The following ETV6 variants were observed in gnomAD, a reference collection of about 807,000 sequenced individuals.
The protein encoded by ETV6 is ETS variant transcription factor 6.
A neutral mutation model predicts 51.1 loss-of-function variants in ETV6; 16 were observed. The ratio of observed to expected loss-of-function variants is 0.31; its 90% CI spans 0.21 to 0.48. The LOEUF (loss-of-function observed/expected upper bound fraction) is 0.48. Among genes scored for constraint, ETV6 ranks in the 20% least tolerant of loss-of-function variants. ETV6 has a pLI of 0.99. For missense variants in ETV6, 458 were observed against 594.8 expected, an observed-to-expected ratio of 0.77 and a Z score of 2.39; for synonymous variants, 240 against 224.1, an observed-to-expected ratio of 1.07 and a Z score of -0.64.
intron 2 of ETV6, among the ~76,000 whole-genome samples, chr12:11,787,887 A>G (rs753480143): frequency 2.0e-5 from 3 of 152,212 alleles, no homozygotes; most frequent in Non-Finnish European, 4.4e-5. Flanking sequence ...CAAGGAAGAA[A>G]AGGAAAGAGG....
chr12:11,690,288 A>G (rs1864728940), intron 1 of ETV6, among the ~76,000 whole-genome samples: 2 of 151,876 alleles, frequency 1.3e-5, no homozygotes, highest in African/African-American at 4.8e-5. Context: ...ACGTCCTTAC[A>G]AGACACCTGT....
intron 2 of ETV6, among the ~76,000 whole-genome samples, chr12:11,813,067 G>T (rs900555654): frequency 2.6e-5 from 4 of 152,252 alleles, no homozygotes; most frequent in African/African-American, 9.6e-5. Flanking sequence ...ATGCTGTGCT[G>T]TGTGGCTACT....
rs1318118957 is a variant in ETV6 at position 11,892,535 on chromosome 12, A to T, written c.*1489A>T. On this transcript the variant is annotated 3_prime_UTR_variant, in exon 8 of 8. Transcript: ENST00000396373. ...TTTTTTTTCCTTTTCTAGCCATCTA[A>T]ATTGACTCTTCCAATATAGGTCTCA... 17 of 232,582 alleles carry T rather than the reference A, an allele frequency of 7.3e-5. 1 individual carries two copies. The highest frequency in any genetic ancestry group is 1.4e-4 in the Non-Finnish European group (16 of 117,928). The allele number at this position is 232,582 out of a possible 1,614,324, so 14.4% of individuals were successfully genotyped here.
At chr12:11,808,001 A>C (rs946965229) in intron 2 of ETV6, among the ~76,000 whole-genome samples, 2 of 152,214 alleles carry the variant, frequency 1.3e-5, no homozygotes, top group African/African-American at 4.8e-5. Flanking sequence ...AATGATCATC[A>C]GCAATACATC....
intron 2 of ETV6, among the ~76,000 whole-genome samples, chr12:11,821,660 A>T (rs1163529837): frequency 1.3e-5 from 2 of 151,734 alleles, no homozygotes; most frequent in African/African-American, 4.9e-5. Context: ...ACATAGCAAG[A>T]CCCCATCTCT....
chr12:11,694,278 C>T (rs1864829240), intron 1 of ETV6, among the ~76,000 whole-genome samples: 1 of 152,136 alleles, frequency 6.6e-6, no homozygotes, highest in Admixed American at 6.5e-5. Context: ...ATTATTTAAC[C>T]CCTGAGGCTC....
At chr12:11,882,659 T>C (rs1300648761) in intron 5 of ETV6, among the ~76,000 whole-genome samples, 1 of 152,232 alleles carries the variant, frequency 6.6e-6, no homozygotes, top group Non-Finnish European at 1.5e-5. Context: ...CCATTATCAC[T>C]AATATAATAA....
At chr12:11,889,476 A>G (rs1447709985) in intron 7 of ETV6, among the ~76,000 whole-genome samples, 1 of 152,204 alleles carries the variant, frequency 6.6e-6, no homozygotes, top group Non-Finnish European at 1.5e-5. Context: ...GATACTCTTT[A>G]CAAGATGTTT....
chr12:11,792,686 C>CAAA (rs5796468), intron 2 of ETV6, among the ~76,000 whole-genome samples: 4 of 145,442 alleles, frequency 2.8e-5, no homozygotes, highest in Admixed American at 6.9e-5. Flanking sequence ...GATTCCATCT[C>CAAA]AAAAAAAAAA....
intron 1 of ETV6, among the ~76,000 whole-genome samples, chr12:11,662,987 T>C (rs1864128047): frequency 6.6e-6 from 1 of 152,198 alleles, no homozygotes; most frequent in African/African-American, 2.4e-5. Flanking sequence ...GGCTGGGTGG[T>C]TCTTGGGCAG....
intron 1 of ETV6, among the ~76,000 whole-genome samples, chr12:11,666,791 AC>A (rs1274434056): frequency 2.0e-5 from 3 of 152,106 alleles, no homozygotes; most frequent in Non-Finnish European, 4.4e-5. Flanking sequence ...AGTTTTCCTG[AC>A]CGCCTGCTGG....
chr12:11,874,927 A>G (rs1268737679), intron 5 of ETV6, among the ~76,000 whole-genome samples: 1 of 149,620 alleles, frequency 6.7e-6, no homozygotes, highest in African/African-American at 2.4e-5. Flanking sequence ...GGATAGCATT[A>G]GGAGATATAC....
intron 4 of ETV6, among the ~76,000 whole-genome samples, chr12:11,864,362 T>C (rs1396054079): frequency 6.6e-6 from 1 of 152,210 alleles, no homozygotes; most frequent in East Asian, 1.9e-4. Context: ...GGGAAATGGA[T>C]TCAGGAAATG....
At position 11,707,958 on chromosome 12, in the gene ETV6, A is replaced by G. The variant is rs143594406; in HGVS notation, c.34-44492A>G. ...GTAAAGTGACCTTTTAGCAGGATCAATTTATAAGCCGTTTGAAGTCTATCT... is the reference window on the plus strand; with the variant it reads ...GTAAAGTGACCTTTTAGCAGGATCAGTTTATAAGCCGTTTGAAGTCTATCT... On this transcript the variant is annotated intron_variant, in intron 1 of 7. Transcript: ENST00000396373. Among the ~76,000 whole-genome samples the G allele has an allele frequency of 4.4e-3, 669 of 152,346 alleles. 2 individuals carry two copies. The highest frequency in any genetic ancestry group is 7.1e-3 in the Non-Finnish European group (486 of 68,040).
intron 7 of ETV6, among the ~76,000 whole-genome samples, chr12:11,888,161 A>G (rs528898888): frequency 1.3e-5 from 2 of 152,332 alleles, no homozygotes; most frequent in African/African-American, 4.8e-5. Flanking sequence ...TCCTGAAACC[A>G]TAATACAAAC....
chr12:11,656,434 A>G lies in ETV6; in HGVS notation c.33+6274A>G, dbSNP rs987668097. Among the ~76,000 whole-genome samples the G allele has an allele frequency of 4.6e-5, 7 of 152,360 alleles. No individual in the cohort carries two copies. The East Asian group carries it at 1.2e-3, about 25-fold the overall frequency. On this transcript the variant is annotated intron_variant, in intron 1 of 7. Coordinates refer to ENST00000396373, the MANE Select transcript of ETV6 (RefSeq NM_001987.5). The stretch of plus-strand genomic sequence containing the variant: ...GATGAGAGGCAGGAATAGAGCTGGC[A>G]GAAGTGCTTGCAGAGGTTCTGAATT...
At chr12:11,836,297 G>A (rs566281629) in intron 2 of ETV6, among the ~76,000 whole-genome samples, 4 of 152,032 alleles carry the variant, frequency 2.6e-5, no homozygotes, top group African/African-American at 7.3e-5. Context: ...CTCGGTGAAC[G>A]TGTCCACCTA....
chr12:11,719,895 A>G (rs982225933), intron 1 of ETV6, among the ~76,000 whole-genome samples: 1 of 152,184 alleles, frequency 6.6e-6, no homozygotes, highest in African/African-American at 2.4e-5. Context: ...GGTGACGCCA[A>G]GGGCACAGGC....
intron 1 of ETV6, among the ~76,000 whole-genome samples, chr12:11,747,376 A>G (rs1197734418): frequency 6.6e-6 from 1 of 152,160 alleles, no homozygotes; most frequent in East Asian, 1.9e-4. Context: ...ACCATCTTGG[A>G]TGTCTAAACC....
Sources: allele counts gnomAD v4.1 joint callset (sites outside exome capture counted in the v4.1 genomes callset), GRCh38; gene constraint gnomAD v4.1.1; transcripts MANE v1.5; gene names NCBI Gene and HGNC (gene_info 2026-07-23, HGNC 2026-07-21).